The following WBP2 variants were observed in gnomAD, a reference collection of about 807,000 sequenced individuals.
WBP2 encodes WW domain-binding protein 2.
A neutral mutation model predicts 33.0 loss-of-function variants in WBP2; 23 were observed. The observed-to-expected ratio is 0.70, with a 90% confidence interval of 0.50 to 0.99. The LOEUF is 0.99. Among genes scored for constraint, WBP2 ranks in the 50% least tolerant of loss-of-function variants. The pLI, the probability that WBP2 is intolerant of heterozygous loss-of-function variation, is 0.00. For synonymous variants in WBP2, 153 were observed against 133.5 expected (o/e 1.15, Z -1.01); for missense variants, 353 against 358.0 (o/e 0.99, Z 0.11).
rs1649956426 is a variant in WBP2, at chr17:75,847,568, A to G, written c.574T>C (p.Tyr192His). The change falls in exon 6 of 8, where the codon TAC (tyrosine) becomes CAC (histidine). Residue 192 changes from tyrosine (Y) to histidine (H), a missense_variant. Coordinates refer to ENST00000254806, the MANE Select transcript of WBP2 (RefSeq NM_012478.4). ...TAGGGCGGTGGTGGGGGCTGCACGTATCCCATGGCCCCGTCCATCATGGGG... is the reference window on the plus strand; with the variant it reads ...TAGGGCGGTGGTGGGGGCTGCACGTGTCCCATGGCCCCGTCCATCATGGGG... Reference protein sequence around the residue: ...GPPMMDGAMGYVQPPPPPYPG... With the variant: ...GPPMMDGAMGHVQPPPPPYPG... 1.2e-6 allele frequency: 2 copies of G among 1,608,590 alleles called. No individual in the cohort carries two copies. Among genetic ancestry groups the G allele is most frequent in the Non-Finnish European group, 1.7e-6 (2 of 1,177,060 alleles).
chr17:75,848,527 T>C (rs2065008962), intron 4 of WBP2, 43 bp downstream of exon 4: 4 of 1,569,090 alleles, frequency 2.5e-6, no homozygotes, highest in Non-Finnish European at 2.6e-6. Context: ...AACCCCTACA[T>C]GTTTAGTGTG....
At position 75,846,797 on chromosome 17, in the gene WBP2, G is replaced by A. The variant is rs774132768; in HGVS notation, c.733-10C>T. On this transcript the variant is annotated splice_polypyrimidine_tract_variant and intron_variant, in intron 7 of 7. Coordinates refer to ENST00000254806, the MANE Select transcript of WBP2 (RefSeq NM_012478.4). The surrounding 1 kb of genome is among the most constrained non-coding windows in gnomAD (Gnocchi z 4.8). ...GTGGCGGCGGCTGGCTCTAAAGAAG[G>A]GAGAAAGGAGAGACTTGCATTAGAA... The A allele has an allele frequency of 6.3e-7, 1 of 1,575,570 alleles. No homozygotes were observed. Among genetic ancestry groups the A allele is most frequent in the Non-Finnish European group, 8.6e-7 (1 of 1,159,044 alleles).
At chr17:75,850,969 CAGGCATG>C (rs1275477476) in intron 2 of WBP2, among the ~76,000 whole-genome samples, 1 of 152,240 alleles carries the variant, frequency 6.6e-6, no homozygotes, top group Non-Finnish European at 1.5e-5. Flanking sequence ...GCTGGGATTA[CAGGCATG>C]AGCCTCCGCA....
chr17:75,852,686 A>C, intron 1 of WBP2: 1 of 479,780 alleles, frequency 2.1e-6, no homozygotes, highest in Non-Finnish European at 2.7e-6. Context: ...CGATCTCCTG[A>C]CTTCGTGATC....
Position 75,846,315 on chromosome 17 carries a change from T to C in WBP2, c.*419A>G, listed in dbSNP as rs997256916. Reference sequence around the variant, plus strand: ...CAGCAGAGGGAATGTGAGCAGGGTCTGGCAGGGCCCGGGAAGACACCTGGC... The same window carrying C: ...CAGCAGAGGGAATGTGAGCAGGGTCCGGCAGGGCCCGGGAAGACACCTGGC... On this transcript the variant is annotated 3_prime_UTR_variant, in exon 8 of 8. Transcript: ENST00000254806. The surrounding 1 kb of genome is among the most constrained non-coding windows in gnomAD (Gnocchi z 4.8). 1 of 249,448 alleles carries C rather than the reference T, an allele frequency of 4.0e-6. No homozygotes were observed. Among genetic ancestry groups the C allele is most frequent in the South Asian group, 3.8e-5 (1 of 26,506 alleles). The allele number at this position is 249,448 out of a possible 1,614,324, so 15.5% of individuals were successfully genotyped here. A position where few individuals can be genotyped will look rare whatever the true frequency, so the allele number is the denominator to read the frequency against.
In WBP2 at chr17:75,846,979, C is replaced by T; in HGVS notation, c.661G>A (p.Ala221Thr). The T allele has an allele frequency of 6.2e-7, 1 of 1,614,086 alleles. No individual in the cohort carries two copies. Among genetic ancestry groups the T allele is most frequent in the Non-Finnish European group, 8.5e-7 (1 of 1,179,994 alleles). ...PDVPSTPAAE[A>T]KAAEAAASAY... ...CTGGCGGCTGCTTCTGCGGCCTTGGCTTCGGCTGTGAGAGCAAACACACCT... is the reference window on the plus strand; with the variant it reads ...CTGGCGGCTGCTTCTGCGGCCTTGGTTTCGGCTGTGAGAGCAAACACACCT... Residue 221 changes from alanine (A) to threonine (T), a missense_variant, in exon 7 of 8, where the codon GCC becomes ACC. Transcript: ENST00000254806. This position sits in a 1 kb window ranked among gnomAD's most constrained non-coding sequence, Gnocchi z 4.8.
Position 75,846,627 on chromosome 17 carries a change from C to A in WBP2, c.*107G>T. 7.7e-7 allele frequency: 1 copy of A among 1,297,678 alleles called. No homozygotes were observed. Among genetic ancestry groups the A allele is most frequent in the Non-Finnish European group, 1.1e-6 (1 of 921,708 alleles). The allele number at this position is 1,297,678 out of a possible 1,614,324, so 80.4% of individuals were successfully genotyped here. On this transcript the variant is annotated 3_prime_UTR_variant, in exon 8 of 8. Transcript: ENST00000254806. The surrounding 1 kb of genome is among the most constrained non-coding windows in gnomAD (Gnocchi z 4.8). ...TTCCTGGTAATTGTTTATGATCAGA[C>A]CTGGAGGGAGAACAAGGCGCCCCCT...
intron 2 of WBP2, 79 bp from the exon 3 acceptor site, chr17:75,849,818 T>G: frequency 6.4e-7 from 1 of 1,553,668 alleles, no homozygotes; most frequent in Non-Finnish European, 8.7e-7. Context: ...TTCCTGGGAG[T>G]GACGAATCCT....
intron 1 of WBP2, 80 bp downstream of exon 1, chr17:75,855,159 T>TCCCCCCCCCCCCCC: frequency 3.1e-6 from 3 of 964,056 alleles, no homozygotes; most frequent in South Asian, 2.7e-5. Context: ...AGGGGCTTAT[T>TCCCCCCCCCCCCCC]CCCCACCACC....
chr17:75,853,149 C>T (rs1485185734), intron 1 of WBP2, among the ~76,000 whole-genome samples: 6 of 152,262 alleles, frequency 3.9e-5, no homozygotes, highest in East Asian at 1.9e-4. Context: ...TGCGTTCAAG[C>T]GATTCTCCTG....
At chr17:75,847,657 C>A (rs751178395) in intron 5 of WBP2, 48 bp from the exon 6 acceptor site, 22 of 1,611,004 alleles carry the variant, frequency 1.4e-5, no homozygotes, top group Non-Finnish European at 1.8e-5. Flanking sequence ...CCGGCTGCGG[C>A]CCCCTCCCGG....
chr17:75,846,360 A>C lies in WBP2; in HGVS notation c.*374T>G, dbSNP rs2064991100. Reference sequence around the variant, plus strand: ...CCTGGCTGGTCTGAAGTGGCTCATGAGGCTGAGTGTAGCAGTGGGTGCCAG... The same window carrying C: ...CCTGGCTGGTCTGAAGTGGCTCATGCGGCTGAGTGTAGCAGTGGGTGCCAG... On this transcript the variant is annotated 3_prime_UTR_variant, in exon 8 of 8. Transcript: ENST00000254806. The surrounding 1 kb of genome is among the most constrained non-coding windows in gnomAD (Gnocchi z 4.8). 1 of 302,974 alleles carries C rather than the reference A, an allele frequency of 3.3e-6. No homozygotes were observed. The highest frequency in any genetic ancestry group is 2.3e-5 in the African/African-American group (1 of 44,396). 18.8% of individuals were successfully genotyped at this position (302,974 alleles called of 1,614,324 possible).
rs2065011817 is a variant in WBP2, at chr17:75,848,892, A to C, written c.305-230T>G. 12 of 571,790 alleles carry C rather than the reference A, an allele frequency of 2.1e-5. No individual in the cohort carries two copies. The South Asian group carries it at 2.4e-4, about 12-fold the overall frequency. The allele number at this position is 571,790 out of a possible 1,614,324, so 35.4% of individuals were successfully genotyped here. ...CTGTACTCGCTTCCCCCTTTGGAAC[A>C]ATGGCCTCTCCTTCCTGGAACAAGC... On this transcript the variant is annotated intron_variant, in intron 3 of 7. Transcript: ENST00000254806.
At chr17:75,847,178 C>G in intron 6 of WBP2, 194 bp from the exon 7 acceptor site, 1 of 690,770 alleles carries the variant, frequency 1.4e-6, no homozygotes. Context: ...GCATGTCTCA[C>G]CTCATCTAAT....
rs781645935 is a variant in WBP2 at position 75,849,614 on chromosome 17, C to T, written c.294G>A (p.Ala98=). ...GTTCCCATCACCTACCTCCCGCTTC[C>T]GCCTTCACTGTTCCCTTGATGTAGT... ...GANYIKGTVK[A]EAGGGWEGSA... is the part of the protein sequence containing the mutation. Residue 98 remains alanine, a synonymous_variant, in exon 3 of 8, where the codon GCG becomes GCA. Coordinates refer to ENST00000254806, the MANE Select transcript of WBP2 (RefSeq NM_012478.4). 8.1e-6 allele frequency: 13 copies of T among 1,613,932 alleles called. No homozygotes were observed. The highest frequency in any genetic ancestry group is 4.4e-5 in the South Asian group (4 of 91,080).
At position 75,849,737 on chromosome 17, in the gene WBP2, G is replaced by T; in HGVS notation, c.171C>A (p.Val57=). Residue 57 remains valine, a splice_region_variant and synonymous_variant, in exon 3 of 8, where the codon GTC becomes GTA. Transcript: ENST00000254806. ...KGTVYLTPYR[V]IFLSKGKDAM... The stretch of plus-strand genomic sequence containing the variant: ...CATCCTTGCCCTTGGACAGAAAGAT[G>T]ACCTGCAGGGAGAGAGGGTGAGGCC... 1 of 1,613,974 alleles carries T rather than the reference G, an allele frequency of 6.2e-7. No homozygotes were observed. Among genetic ancestry groups the T allele is most frequent in the Non-Finnish European group, 8.5e-7 (1 of 1,180,010 alleles).
chr17:75,851,665 G>A lies in WBP2; in HGVS notation c.71C>T (p.Ser24Phe), dbSNP rs374977249. 9 of 1,612,822 alleles carry A rather than the reference G, an allele frequency of 5.6e-6. No homozygotes were observed. The African/African-American group carries it at 1.2e-4, about 22-fold the overall frequency. Reference sequence around the variant, plus strand: ...GAATGTGAGTTCCACGTGATCATAGGACATTAGGATGCTGTGATGAGAAAA... The same window carrying A: ...GAATGTGAGTTCCACGTGATCATAGAACATTAGGATGCTGTGATGAGAAAA... ...IVNNTESILMSYDHVELTFND... is the reference protein window; with the variant it reads ...IVNNTESILMFYDHVELTFND... The change falls in exon 2 of 8, where the codon TCC becomes TTC. Residue 24 changes from serine to phenylalanine, a missense_variant. Transcript: ENST00000254806.
intron 1 of WBP2, among the ~76,000 whole-genome samples, chr17:75,853,142 G>A (rs184968011): frequency 1.4e-4 from 21 of 152,226 alleles, no homozygotes; most frequent in African/African-American, 3.9e-4. Flanking sequence ...CACCTCCTGC[G>A]TTCAAGCGAT....
chr17:75,851,821 G>T, intron 1 of WBP2, 145 bp from the exon 2 acceptor site: 1 of 592,530 alleles, frequency 1.7e-6, no homozygotes, highest in Non-Finnish European at 3.1e-6. Context: ...TATTCATAGG[G>T]CTGGGCGCGG....
Sources: gnomAD v4.1 joint callset for allele counts (sites outside exome capture counted in the v4.1 genomes callset) on GRCh38, gnomAD v4.1.1 for gene constraint, Gnocchi (gnomAD v3.1) non-coding constraint, MANE v1.5 for transcripts, NCBI Gene and HGNC (gene_info 2026-07-23, HGNC 2026-07-21) for gene names.